Variants in DENND2A observed in about 807,000 individuals in gnomAD.
The protein encoded by DENND2A is DENN domain containing 2A.
DENND2A carries 53 observed loss-of-function variants against 105.3 expected under a neutral mutation model. The ratio of observed to expected loss-of-function variants is 0.50; its 90% CI spans 0.40 to 0.63. The LOEUF (loss-of-function observed/expected upper bound fraction) is 0.63. Ranked by LOEUF, DENND2A falls within the 30% of genes least tolerant of loss-of-function variation. The probability of loss-of-function intolerance (pLI) is 0.00; values close to 1 mark genes in which losing one functional copy is unlikely to be tolerated. For synonymous variants in DENND2A, 522 were observed against 508.4 expected, an observed-to-expected ratio of 1.03 and a Z score of -0.36; for missense variants, 1,138 against 1,279.6, an observed-to-expected ratio of 0.89 and a Z score of 1.69.
intron 3 of DENND2A, among the ~76,000 whole-genome samples, chr7:140,591,649 T>C (rs972856621): frequency 4.0e-5 from 6 of 148,708 alleles, no homozygotes; most frequent in South Asian, 2.1e-4. Context: ...TTCCCTCCCT[T>C]CCTTCCTTTC....
chr7:140,525,897 G>T, intron 15 of DENND2A, 105 bp from the exon 16 acceptor site: 1 of 919,134 alleles, frequency 1.1e-6, no homozygotes. Context: ...CAGCTGGGGC[G>T]GGGCTGGAGG....
Position 140,573,947 on chromosome 7 carries a change from A to C in DENND2A, c.1307T>G (p.Leu436Arg), listed in dbSNP as rs200365236. 6.2e-7 allele frequency: 1 copy of C among 1,614,204 alleles called. No individual in the cohort carries two copies. The highest frequency in any genetic ancestry group is 1.7e-5 in the Admixed American group (1 of 60,016). ...ATCCCGACTCAGCTTCCTAGTGTCC[A>C]GCAGCTTGAAGTTCCTCCTCTCTGA... ...QNSERRNFKL[L>R]DTRKLSRDGT... Residue 436 changes from leucine to arginine, a missense_variant, in exon 6 of 20, where the codon CTG (leucine) becomes CGG (arginine). Leu to Arg is a moderately radical substitution (Grantham distance 102). This residue lies in a region of DENND2A where 627 missense variants were observed against 779.8 expected (regional missense o/e 0.80). Coordinates refer to ENST00000496613, the MANE Select transcript of DENND2A (RefSeq NM_015689.5).
At chr7:140,574,912 C>T (rs1027758774) in intron 5 of DENND2A, among the ~76,000 whole-genome samples, 1 of 151,890 alleles carries the variant, frequency 6.6e-6, no homozygotes, top group African/African-American at 2.4e-5. Flanking sequence ...CCCAGCTACT[C>T]GGGAGGCTGA....
intron 5 of DENND2A, among the ~76,000 whole-genome samples, chr7:140,581,336 T>C (rs1348303194): frequency 6.6e-6 from 1 of 152,168 alleles, no homozygotes; most frequent in Non-Finnish European, 1.5e-5. Context: ...AGCTTGCAGT[T>C]TGCGTTCAGC....
At chr7:140,529,785 G>A (rs1323781952) in intron 14 of DENND2A, among the ~76,000 whole-genome samples, 1 of 151,420 alleles carries the variant, frequency 6.6e-6, no homozygotes, top group East Asian at 1.9e-4. Context: ...ACACACCGGG[G>A]CCTGTTGTGG....
At chr7:140,620,630 C>T (rs1250319090) in intron 1 of DENND2A, among the ~76,000 whole-genome samples, 3 of 152,200 alleles carry the variant, frequency 2.0e-5, no homozygotes, top group African/African-American at 4.8e-5. Flanking sequence ...GTCTGCCCTG[C>T]GGTGCCCAGC....
intron 3 of DENND2A, among the ~76,000 whole-genome samples, chr7:140,592,649 G>A (rs1799110265): frequency 6.6e-6 from 1 of 151,314 alleles, no homozygotes; most frequent in South Asian, 2.1e-4. Context: ...GCCCAGGCCG[G>A]AAGGCAGTGG....
chr7:140,529,408 C>G (rs1382463580), intron 14 of DENND2A, among the ~76,000 whole-genome samples: 2 of 152,148 alleles, frequency 1.3e-5, no homozygotes, highest in East Asian at 3.8e-4. Context: ...GGATCTAGAA[C>G]TAGAAATACC....
intron 3 of DENND2A, among the ~76,000 whole-genome samples, chr7:140,590,986 T>TAA (rs1037859002): frequency 6.6e-6 from 1 of 151,872 alleles, no homozygotes; most frequent in African/African-American, 2.4e-5. Context: ...TGAAAACAAT[T>TAA]AAAAACTCCC....
At chr7:140,621,276 C>A (rs1237560717) in intron 1 of DENND2A, among the ~76,000 whole-genome samples, 1 of 152,130 alleles carries the variant, frequency 6.6e-6, no homozygotes, top group African/African-American at 2.4e-5. Flanking sequence ...CTCAAGCAAC[C>A]CTCCCACCTT....
At chr7:140,585,185 G>A (rs561403050) in intron 5 of DENND2A, among the ~76,000 whole-genome samples, 4 of 152,254 alleles carry the variant, frequency 2.6e-5, no homozygotes, top group South Asian at 2.1e-4. Flanking sequence ...GTGACAGAGC[G>A]ACAACACCCT....
At chr7:140,529,907 C>T (rs930855965) in intron 14 of DENND2A, among the ~76,000 whole-genome samples, 3 of 152,118 alleles carry the variant, frequency 2.0e-5, no homozygotes, top group East Asian at 1.9e-4. Flanking sequence ...CAGACCTGCA[C>T]GCTGTGCACA....
rs753890167 is a variant in DENND2A, at chr7:140,573,996, T to C, written c.1258A>G (p.Lys420Glu). The C allele has an allele frequency of 1.9e-6, 3 of 1,613,996 alleles. No individual in the cohort carries two copies. In the African/African-American group the frequency reaches 4.0e-5, roughly 22 times the overall value. The change falls in exon 6 of 20, where the codon AAA becomes GAA. Residue 420 changes from lysine (K) to glutamate (E), a missense_variant. Transcript: ENST00000496613. ...GAATTTTGTCGGAAAAAAGCAGGTT[T>C]GGACAATGACTGCTGTGAAGGAAAA... ...PDTLTKQSLSKPAFFRQNSER... is the reference protein window; with the variant it reads ...PDTLTKQSLSEPAFFRQNSER...
chr7:140,540,756 C>T (rs1796628936), intron 14 of DENND2A, among the ~76,000 whole-genome samples: 1 of 151,870 alleles, frequency 6.6e-6, no homozygotes, highest in African/African-American at 2.4e-5. Context: ...CTCGCTCTGT[C>T]GCCCAGGCAG....
chr7:140,625,746 C>T (rs1800499054), intron 1 of DENND2A, among the ~76,000 whole-genome samples: 1 of 152,068 alleles, frequency 6.6e-6, no homozygotes, highest in South Asian at 2.1e-4. Context: ...GCCATGGGCT[C>T]CTGCTGAATG....
chr7:140,602,600 G>A (rs1799555573), intron 2 of DENND2A, 58 bp from the exon 3 acceptor site: 1 of 453,484 alleles, frequency 2.2e-6, no homozygotes, highest in Admixed American at 3.9e-5. Context: ...GCTGGTCATA[G>A]AGATTTGCTA....
chr7:140,621,651 C>T (rs1203205787), intron 1 of DENND2A, among the ~76,000 whole-genome samples: 1 of 152,146 alleles, frequency 6.6e-6, no homozygotes, highest in African/African-American at 2.4e-5. Context: ...TTTGTGCCTG[C>T]TTCTCTCAGG....
intron 1 of DENND2A, among the ~76,000 whole-genome samples, chr7:140,638,493 G>A (rs531507053): frequency 8.5e-4 from 129 of 152,154 alleles, no homozygotes; most frequent in South Asian, 1.7e-3. Flanking sequence ...AAAAGCCTTG[G>A]TCTCCTCCTC....
At chr7:140,590,127 T>A (rs1798951510) in intron 3 of DENND2A, among the ~76,000 whole-genome samples, 1 of 152,128 alleles carries the variant, frequency 6.6e-6, no homozygotes, top group Non-Finnish European at 1.5e-5. Flanking sequence ...CGGTGGCTCA[T>A]GTCTGTAATT....
Sources: allele counts gnomAD v4.1 joint callset (sites outside exome capture counted in the v4.1 genomes callset), GRCh38; gene constraint gnomAD v4.1.1; regional missense constraint gnomAD v4.1.1; transcripts MANE v1.5; gene names NCBI Gene and HGNC (gene_info 2026-07-23, HGNC 2026-07-21).